The following SPATA21 variants were observed in gnomAD, a reference collection of about 807,000 sequenced individuals.
The protein encoded by SPATA21 is spermatogenesis associated 21.
Under a neutral mutation model 54.8 loss-of-function variants are expected in SPATA21, and 47 were observed. The observed-to-expected ratio is 0.86, with a 90% CI of 0.68 to 1.09. The LOEUF (loss-of-function observed/expected upper bound fraction) is 1.09, where lower values mean the gene tolerates loss of function less well. Among genes scored for constraint, SPATA21 ranks in the 50% least tolerant of loss-of-function variants. The probability of loss-of-function intolerance (pLI) is 0.00; values close to 1 mark genes in which losing one functional copy is unlikely to be tolerated. For synonymous variants in SPATA21, 245 were observed against 235.3 expected (o/e 1.04, Z -0.38); for missense variants, 599 against 596.4 (o/e 1.00, Z -0.05).
chr1:16,409,221 C>T lies in SPATA21; in HGVS notation c.588-18G>A, dbSNP rs1197847775. ...GCTCCTGCCTGCAGAGGACAGAACC[C>T]CGACCCAGGGCAACATCCGGCCGCC... On this transcript the variant is annotated intron_variant, in intron 6 of 12. Transcript: ENST00000335496. The surrounding 1 kb of genome is among the most constrained non-coding windows in gnomAD (Gnocchi z 4.1). 6.2e-7 allele frequency: 1 copy of T among 1,613,874 alleles called. No individual in the cohort carries two copies. The highest frequency in any genetic ancestry group is 8.5e-7 in the Non-Finnish European group (1 of 1,179,944).
At chr1:16,403,122 T>G (rs893404760) in intron 10 of SPATA21, among the ~76,000 whole-genome samples, 8 of 152,198 alleles carry the variant, frequency 5.3e-5, no homozygotes, top group Non-Finnish European at 1.0e-4. Context: ...TATCTCTTCC[T>G]TAGATGAACC....
Position 16,409,900 on chromosome 1 carries a change from C to T in SPATA21, c.288G>A (p.Glu96=), listed in dbSNP as rs144291670. 5.7e-4 allele frequency: 920 copies of T among 1,613,772 alleles called. 2 individuals carry two copies. The highest frequency in any genetic ancestry group is 1.3e-3 in the Admixed American group (78 of 59,932). Residue 96 remains glutamate (E), a synonymous_variant, in exon 6 of 13, where the codon GAG becomes GAA. Coordinates refer to ENST00000335496, the MANE Select transcript of SPATA21 (RefSeq NM_198546.1). The surrounding 1 kb of genome is among the most constrained non-coding windows in gnomAD (Gnocchi z 4.1). Reference sequence around the variant, plus strand: ...CCTTCGAGGCTCTCCGATGGGAGGCCTCCATTTTCTCCACCTCCAGCAAGC... The same window carrying T: ...CCTTCGAGGCTCTCCGATGGGAGGCTTCCATTTTCTCCACCTCCAGCAAGC... ...MKCLLEVEKM[E]ASHRRASKAR...
rs1212102509 is a variant in SPATA21 at position 16,431,334 on chromosome 1, C to T, written c.34+4G>A. 6.2e-7 allele frequency: 1 copy of T among 1,614,164 alleles called. No homozygotes were observed. On this transcript the variant is annotated splice_donor_region_variant and intron_variant, in intron 3 of 12. Transcript: ENST00000335496. ...TGGCTGCGTCCCTGGAGCCTTGGTT[C>T]TACCCTCCGTGTACATCTGGGTGTT...
rs374821660 is a variant in SPATA21, at chr1:16,421,486, G to A, written c.144+23C>T. 2.0e-5 allele frequency: 32 copies of A among 1,605,746 alleles called. 1 individual carries two copies. Among genetic ancestry groups the A allele is most frequent in the Admixed American group, 8.5e-5 (5 of 58,712 alleles). The stretch of plus-strand genomic sequence containing the variant: ...CCTTTCTCCTACACAGCTCGTCCCC[G>A]TTCCCCCTATGGCCCTACTTACTGG... On this transcript the variant is annotated intron_variant, in intron 5 of 12. Transcript: ENST00000335496. The surrounding 1 kb of genome is among the most constrained non-coding windows in gnomAD (Gnocchi z 5.2).
chr1:16,409,223 G>C lies in SPATA21; in HGVS notation c.588-20C>G. 2 of 1,613,642 alleles carry C rather than the reference G, an allele frequency of 1.2e-6. No individual in the cohort carries two copies. Among genetic ancestry groups the C allele is most frequent in the Non-Finnish European group, 1.7e-6 (2 of 1,179,830 alleles). ...TCCTGCCTGCAGAGGACAGAACCCCGACCCAGGGCAACATCCGGCCGCCCA... is the reference window on the plus strand; with the variant it reads ...TCCTGCCTGCAGAGGACAGAACCCCCACCCAGGGCAACATCCGGCCGCCCA... On this transcript the variant is annotated intron_variant, in intron 6 of 12. Coordinates refer to ENST00000335496, the MANE Select transcript of SPATA21 (RefSeq NM_198546.1). This position sits in a 1 kb window ranked among gnomAD's most constrained non-coding sequence, Gnocchi z 4.1.
In SPATA21 at chr1:16,428,845, C is replaced by T. The variant is rs1343996032; in HGVS notation, c.34+2493G>A. 6.6e-6 allele frequency among the ~76,000 whole-genome samples: 1 copy of T among 152,208 alleles called. No individual in the cohort carries two copies. Among genetic ancestry groups the T allele is most frequent in the Non-Finnish European group, 1.5e-5 (1 of 68,040 alleles). Reference sequence around the variant, plus strand: ...TACAAGATTCTGATGTGAGCTAATACTAACAGGCACCTACTATGAGACAGG... The same window carrying T: ...TACAAGATTCTGATGTGAGCTAATATTAACAGGCACCTACTATGAGACAGG... On this transcript the variant is annotated intron_variant, in intron 3 of 12. Coordinates refer to ENST00000335496, the MANE Select transcript of SPATA21 (RefSeq NM_198546.1). This position sits in a 1 kb window ranked among gnomAD's most constrained non-coding sequence, Gnocchi z 4.3.
intron 3 of SPATA21, chr1:16,425,784 T>G (rs145663451): frequency 6.7e-7 from 1 of 1,489,390 alleles, no homozygotes; most frequent in East Asian, 2.5e-5. Flanking sequence ...GGCACTGTTT[T>G]ATATATTTTT....
At chr1:16,424,086 A>G (rs1342470646) in intron 3 of SPATA21, among the ~76,000 whole-genome samples, 6 of 151,062 alleles carry the variant, frequency 4.0e-5, no homozygotes, top group Non-Finnish European at 8.8e-5. Context: ...ATATGTCAAA[A>G]TATTAAATTG....
intron 10 of SPATA21, among the ~76,000 whole-genome samples, chr1:16,403,065 C>A (rs944768284): frequency 2.6e-5 from 4 of 152,224 alleles, no homozygotes; most frequent in South Asian, 4.1e-4. Flanking sequence ...GTTCTGCCTT[C>A]GCCTTTGCTT....
At chr1:16,412,184 G>T (rs901030043) in intron 5 of SPATA21, among the ~76,000 whole-genome samples, 4 of 152,020 alleles carry the variant, frequency 2.6e-5, no homozygotes, top group Non-Finnish European at 5.9e-5. Flanking sequence ...TCCTTCCCCT[G>T]CTCTGGACTC....
At chr1:16,434,535 A>G (rs965571942) in intron 1 of SPATA21, among the ~76,000 whole-genome samples, 2 of 151,956 alleles carry the variant, frequency 1.3e-5, no homozygotes, top group African/African-American at 4.8e-5. Flanking sequence ...AGCTTAAGTG[A>G]TCCTCCCACC....
intron 5 of SPATA21, among the ~76,000 whole-genome samples, chr1:16,420,044 G>A (rs1284437812): frequency 6.6e-6 from 1 of 152,124 alleles, no homozygotes; most frequent in Non-Finnish European, 1.5e-5. Flanking sequence ...AGACCAGAGG[G>A]TGGAGCCCCG....
At chr1:16,434,716 CAT>C (rs2086544555) in intron 1 of SPATA21, among the ~76,000 whole-genome samples, 1 of 152,198 alleles carries the variant, frequency 6.6e-6, no homozygotes, top group African/African-American at 2.4e-5. Flanking sequence ...TGCTGAATCA[CAT>C]GTCAACTCTA....
At chr1:16,398,603 T>TG (rs969814767), downstream of SPATA21, 1 of 735,498 alleles carries the variant, frequency 1.4e-6, no homozygotes, top group African/African-American at 1.8e-5. Context: ...GGTGGCTGGG[T>TG]GACAACTTGA....
Position 16,421,728 on chromosome 1 carries a change from G to A in SPATA21, c.96-171C>T, listed in dbSNP as rs947642991. ...CACATCCTCATATATACAGGCTCAC[G>A]GAACCAAGAATTCTGGTATTCCAGC... is the stretch of plus-strand genomic sequence containing the variant. On this transcript the variant is annotated intron_variant, in intron 4 of 12. Coordinates refer to ENST00000335496, the MANE Select transcript of SPATA21 (RefSeq NM_198546.1). The surrounding 1 kb of genome is among the most constrained non-coding windows in gnomAD (Gnocchi z 5.2). 2.6e-5 allele frequency among the ~76,000 whole-genome samples: 4 copies of A among 152,032 alleles called. No homozygotes were observed. Among genetic ancestry groups the A allele is most frequent in the Non-Finnish European group, 4.4e-5 (3 of 68,010 alleles).
At chr1:16,405,467 A>AC (rs1175350018) in intron 7 of SPATA21, among the ~76,000 whole-genome samples, 1 of 141,552 alleles carries the variant, frequency 7.1e-6, no homozygotes, top group East Asian at 2.1e-4. Context: ...ACACAGGGAG[A>AC]CCCCATCTCT....
At chr1:16,431,054 T>G (rs996445194) in intron 3 of SPATA21, among the ~76,000 whole-genome samples, 1 of 152,198 alleles carries the variant, frequency 6.6e-6, no homozygotes, top group African/African-American at 2.4e-5. Flanking sequence ...ATACCTGAAG[T>G]CTATGAAGGC....
rs1570069038 is a variant in SPATA21 at position 16,398,722 on chromosome 1, C to G, written c.*43G>C. 6 of 1,611,654 alleles carry G rather than the reference C, an allele frequency of 3.7e-6. No homozygotes were observed. In the East Asian group the frequency reaches 6.7e-5, roughly 18 times the overall value. ...AGCTCCTGCCTGGTGGCCCATCTGT[C>G]TACAGGCCTTGAGCAGCTGCCTAGA... is the stretch of plus-strand genomic sequence containing the variant. On this transcript the variant is annotated 3_prime_UTR_variant, in exon 13 of 13. Coordinates refer to ENST00000335496, the MANE Select transcript of SPATA21 (RefSeq NM_198546.1).
chr1:16,426,987 C>A (rs1328593154), intron 3 of SPATA21, among the ~76,000 whole-genome samples: 4 of 152,052 alleles, frequency 2.6e-5, no homozygotes, highest in African/African-American at 7.2e-5. Flanking sequence ...GTATAAAATT[C>A]CATATTTTAA....
Sources: allele counts gnomAD v4.1 joint callset (sites outside exome capture counted in the v4.1 genomes callset), GRCh38; gene constraint gnomAD v4.1.1; non-coding constraint Gnocchi (gnomAD v3.1); transcripts MANE v1.5; gene names NCBI Gene and HGNC (gene_info 2026-07-23, HGNC 2026-07-21).